The following RBMS3 variants were observed in gnomAD, a reference collection of about 807,000 sequenced individuals.
The protein encoded by RBMS3 is RNA-binding motif, single-stranded-interacting protein 3.
RBMS3 carries 27 observed loss-of-function variants against 66.8 expected under a neutral mutation model. That is an observed-to-expected ratio of 0.40 (90% CI 0.30 to 0.56). RBMS3 has a LOEUF of 0.56. Ranked by LOEUF, RBMS3 falls within the 20% of genes least tolerant of loss-of-function variation. RBMS3 has a pLI of 0.40. For synonymous variants in RBMS3, 188 were observed against 183.0 expected, an observed-to-expected ratio of 1.03 and a Z score of -0.22; for missense variants, 513 against 549.5, an observed-to-expected ratio of 0.93 and a Z score of 0.66.
At chr3:29,752,549 T>G (rs2055229779) in intron 5 of RBMS3, among the ~76,000 whole-genome samples, 2 of 152,200 alleles carry the variant, frequency 1.3e-5, no homozygotes, top group African/African-American at 2.4e-5. Flanking sequence ...CCACTTACAT[T>G]TTCTTTAAGA....
chr3:29,484,106 T>G (rs2043237605), intron 2 of RBMS3, among the ~76,000 whole-genome samples: 2 of 152,190 alleles, frequency 1.3e-5, no homozygotes, highest in Non-Finnish European at 2.9e-5. Context: ...AGCTTGAAGG[T>G]CTTAGGTAAG....
chr3:29,565,860 A>G (rs1196418164), intron 3 of RBMS3, among the ~76,000 whole-genome samples: 2 of 152,190 alleles, frequency 1.3e-5, no homozygotes, highest in East Asian at 3.8e-4. Flanking sequence ...GCCAAAGAGC[A>G]CAAAAATACA....
chr3:29,961,062 T>C (rs1254789043), intron 12 of RBMS3, among the ~76,000 whole-genome samples: 2 of 152,176 alleles, frequency 1.3e-5, no homozygotes, highest in Non-Finnish European at 2.9e-5. Context: ...TCCTATAGCA[T>C]TGTCAAGATG....
intron 10 of RBMS3, among the ~76,000 whole-genome samples, chr3:29,928,546 TGCAAA>T (rs1476873929): frequency 6.6e-6 from 1 of 152,050 alleles, no homozygotes; most frequent in African/African-American, 2.4e-5. Context: ...ATGGGGGCCC[TGCAAA>T]GCAAAGACTA....
intron 1 of RBMS3, among the ~76,000 whole-genome samples, chr3:29,352,184 A>T (rs1476161769): frequency 3.3e-5 from 5 of 152,020 alleles, no homozygotes; most frequent in Admixed American, 6.6e-5. Context: ...TTAATTTTCA[A>T]AAATTTTCTG....
At chr3:29,497,741 T>G (rs1280736282) in intron 3 of RBMS3, among the ~76,000 whole-genome samples, 1 of 152,010 alleles carries the variant, frequency 6.6e-6, no homozygotes, top group Non-Finnish European at 1.5e-5. Context: ...GATTATAAAC[T>G]CCCTGGGACC....
chr3:29,892,270 G>T (rs574667007), intron 8 of RBMS3, among the ~76,000 whole-genome samples: 2 of 151,576 alleles, frequency 1.3e-5, no homozygotes, highest in African/African-American at 4.8e-5. Flanking sequence ...ACGTCTCTTA[G>T]CCACTTTGCA....
intron 6 of RBMS3, among the ~76,000 whole-genome samples, chr3:29,783,446 A>T (rs2056711113): frequency 6.6e-6 from 1 of 152,144 alleles, no homozygotes; most frequent in Non-Finnish European, 1.5e-5. Context: ...ATCCAGCAAA[A>T]TTAAGCTTTG....
At chr3:29,406,081 G>A (rs1376037920) in intron 1 of RBMS3, among the ~76,000 whole-genome samples, 1 of 152,160 alleles carries the variant, frequency 6.6e-6, no homozygotes, top group Non-Finnish European at 1.5e-5. Flanking sequence ...AAACCTTAAA[G>A]TTATACTGTC....
chr3:29,501,501 C>T (rs372157712), intron 3 of RBMS3, among the ~76,000 whole-genome samples: 6 of 152,054 alleles, frequency 3.9e-5, no homozygotes, highest in Non-Finnish European at 7.4e-5. Flanking sequence ...TGAAAACATC[C>T]GACGCTGTTG....
At position 29,679,768 on chromosome 3, in the gene RBMS3, G is replaced by GTATATATATATATATATATATATA. The variant is rs34934611; in HGVS notation, c.400-59933_400-59932insATATATATATATATATATATATAT. Among the ~76,000 whole-genome samples the GTATATATATATATATATATATATA allele has an allele frequency of 1.1e-3, 155 of 145,356 alleles. 1 individual carries two copies. The highest frequency in any genetic ancestry group is 3.6e-3 in the Middle Eastern group (1 of 276). On this transcript the variant is annotated intron_variant, in intron 4 of 14. Coordinates refer to ENST00000383767, the MANE Select transcript of RBMS3 (RefSeq NM_001003793.3). Reference sequence around the variant, plus strand: ...TAGCAATAATTTATACTACTTGACTGTATATATATATATATATATTATACA... The same window carrying GTATATATATATATATATATATATA: ...TAGCAATAATTTATACTACTTGACTGTATATATATATATATATATATATATATATATATATATATATATTATACA...
At chr3:29,399,444 C>G (rs1258273561) in intron 1 of RBMS3, among the ~76,000 whole-genome samples, 1 of 150,514 alleles carries the variant, frequency 6.6e-6, no homozygotes, top group Non-Finnish European at 1.5e-5. Context: ...CTATTAAGAG[C>G]TTGAAAAAAT....
At chr3:29,330,433 T>C (rs2035585654) in intron 1 of RBMS3, among the ~76,000 whole-genome samples, 1 of 152,174 alleles carries the variant, frequency 6.6e-6, no homozygotes, top group Admixed American at 6.5e-5. Flanking sequence ...AACTACTTTA[T>C]CTAATTTATG....
intron 10 of RBMS3, among the ~76,000 whole-genome samples, chr3:29,929,487 C>T (rs939707055): frequency 1.3e-5 from 2 of 151,926 alleles, no homozygotes; most frequent in Non-Finnish European, 2.9e-5. Context: ...TAATTGAAAC[C>T]ATTATTCACA....
Position 29,532,262 on chromosome 3 carries a change from G to GTATATATATA in RBMS3, c.307+43773_307+43782dup, listed in dbSNP as rs869225843. ...CATATATATGTATATATATATATAT[G>GTATATATATA]TATATATATATATATATATTTCCAT... On this transcript the variant is annotated intron_variant, in intron 3 of 14. Coordinates refer to ENST00000383767, the MANE Select transcript of RBMS3 (RefSeq NM_001003793.3). Among the ~76,000 whole-genome samples the GTATATATATA allele has an allele frequency of 6.4e-5, 4 of 62,696 alleles. No homozygotes were observed. In the South Asian group the frequency reaches 1.8e-3, roughly 29 times the overall value. The allele number at this position is 62,696 out of a possible 152,430, so 41.1% of individuals were successfully genotyped here.
chr3:29,476,288 T>C (rs2042943519), intron 2 of RBMS3, among the ~76,000 whole-genome samples: 1 of 152,214 alleles, frequency 6.6e-6, no homozygotes, highest in Non-Finnish European at 1.5e-5. Context: ...ACTATTGTTT[T>C]TGAGTATCTA....
chr3:29,331,728 G>GT (rs377170954), intron 1 of RBMS3, among the ~76,000 whole-genome samples: 81 of 149,140 alleles, frequency 5.4e-4, no homozygotes, highest in African/African-American at 1.8e-3. Flanking sequence ...AAATCACAAG[G>GT]TTTTTTTCCA....
At chr3:29,621,233 T>C (rs2048855595) in intron 4 of RBMS3, among the ~76,000 whole-genome samples, 1 of 152,122 alleles carries the variant, frequency 6.6e-6, no homozygotes, top group Admixed American at 6.5e-5. Context: ...ATAATAATTC[T>C]ATGTATTTAA....
chr3:29,668,302 G>T (rs760159545), intron 4 of RBMS3, among the ~76,000 whole-genome samples: 3 of 152,162 alleles, frequency 2.0e-5, no homozygotes, highest in Non-Finnish European at 4.4e-5. Flanking sequence ...AGATCTTAGG[G>T]TTACATACCT....
Sources: allele counts gnomAD v4.1 joint callset (sites outside exome capture counted in the v4.1 genomes callset), GRCh38; gene constraint gnomAD v4.1.1; transcripts MANE v1.5; gene names NCBI Gene and HGNC (gene_info 2026-07-23, HGNC 2026-07-21).